Variants in SPOCK3 observed in about 807,000 individuals in gnomAD.
SPOCK3 encodes the protein testican-3.
Under a neutral mutation model 56.6 loss-of-function variants are expected in SPOCK3, and 30 were observed. The ratio of observed to expected loss-of-function variants is 0.53; its 90% confidence interval spans 0.40 to 0.72. SPOCK3 has a LOEUF of 0.72. Ranked by LOEUF, SPOCK3 falls within the 30% of genes least tolerant of loss-of-function variation. The pLI is 0.00. For missense variants in SPOCK3, 527 were observed against 530.0 expected, an observed-to-expected ratio of 0.99 and a Z score of 0.06; for synonymous variants, 196 against 183.3, an observed-to-expected ratio of 1.07 and a Z score of -0.56.
At chr4:166,919,992 G>T (rs1738311752) in intron 4 of SPOCK3, among the ~76,000 whole-genome samples, 1 of 152,022 alleles carries the variant, frequency 6.6e-6, no homozygotes, top group Non-Finnish European at 1.5e-5. Flanking sequence ...ATATTACATT[G>T]TTTATCATTT....
At position 166,832,400 on chromosome 4, in the gene SPOCK3, C is replaced by CA. The variant is rs56753414; in HGVS notation, c.590-40112dup. Among the ~76,000 whole-genome samples the CA allele has an allele frequency of 6.1e-3, 910 of 149,440 alleles. 7 individuals carry two copies. The highest frequency in any genetic ancestry group is 0.02 in the African/African-American group (811 of 40,622). ...ATCAGAATGGCTATTATTAAAAAAT[C>CA]AAAAAAAAAACAACAGATGATGGTG... On this transcript the variant is annotated intron_variant, in intron 6 of 10. Coordinates refer to ENST00000357545, the MANE Select transcript of SPOCK3 (RefSeq NM_001040159.2).
chr4:166,933,328 T>C (rs1379825539), intron 4 of SPOCK3, among the ~76,000 whole-genome samples: 1 of 152,214 alleles, frequency 6.6e-6, no homozygotes, highest in Non-Finnish European at 1.5e-5. Context: ...AAAGAAGGCC[T>C]TCACCTTACT....
intron 6 of SPOCK3, among the ~76,000 whole-genome samples, chr4:166,827,637 C>A (rs1215498789): frequency 6.6e-6 from 1 of 152,034 alleles, no homozygotes; most frequent in Non-Finnish European, 1.5e-5. Flanking sequence ...ATAACAGCAT[C>A]ATTTTAAGTG....
intron 6 of SPOCK3, among the ~76,000 whole-genome samples, chr4:166,847,710 T>G (rs1748254437): frequency 7.4e-6 from 1 of 135,628 alleles, no homozygotes. Context: ...TTTTACAGCT[T>G]GCAATGACAA....
intron 2 of SPOCK3, among the ~76,000 whole-genome samples, chr4:167,233,648 A>G (rs917737493): frequency 6.6e-6 from 1 of 152,222 alleles, no homozygotes; most frequent in African/African-American, 2.4e-5. Flanking sequence ...TGCTGTGTTT[A>G]CCAGTGCCAG....
intron 7 of SPOCK3, among the ~76,000 whole-genome samples, chr4:166,769,247 G>T (rs950795449): frequency 2.6e-5 from 4 of 152,184 alleles, no homozygotes; most frequent in Non-Finnish European, 5.9e-5. Context: ...CGTTCCTTTG[G>T]AGGGGGAGAG....
chr4:166,914,872 C>T (rs1316404848), intron 4 of SPOCK3, among the ~76,000 whole-genome samples: 2 of 152,040 alleles, frequency 1.3e-5, no homozygotes, highest in East Asian at 3.9e-4. Context: ...TGAAGTAAAA[C>T]AAGATTAGTT....
chr4:166,847,682 A>ATATAT (rs1560926835), intron 6 of SPOCK3, among the ~76,000 whole-genome samples: 302 of 27,208 alleles, frequency 0.011, 8 homozygotes, highest in African/African-American at 0.023. Flanking sequence ...TATATATATA[A>ATATAT]GAATCATGTT....
At chr4:166,885,223 A>C (rs1424744125) in intron 6 of SPOCK3, among the ~76,000 whole-genome samples, 1 of 150,034 alleles carries the variant, frequency 6.7e-6, no homozygotes, top group East Asian at 1.9e-4. Context: ...TTTTCCTGTT[A>C]TTTCTTCATC....
At chr4:166,948,397 T>C (rs924798612) in intron 4 of SPOCK3, among the ~76,000 whole-genome samples, 1 of 152,208 alleles carries the variant, frequency 6.6e-6, no homozygotes, top group Non-Finnish European at 1.5e-5. Context: ...TGCTGGATCA[T>C]ATGGTAATTC....
intron 3 of SPOCK3, among the ~76,000 whole-genome samples, chr4:167,015,093 A>G (rs1484759545): frequency 6.6e-6 from 1 of 152,064 alleles, no homozygotes; most frequent in Non-Finnish European, 1.5e-5. Flanking sequence ...TAGATAGTAT[A>G]ATTCAGTTCT....
At chr4:167,098,890 T>G (rs1759394902) in intron 2 of SPOCK3, among the ~76,000 whole-genome samples, 1 of 151,998 alleles carries the variant, frequency 6.6e-6, no homozygotes, top group Non-Finnish European at 1.5e-5. Flanking sequence ...TTTTTCAAAA[T>G]GCCTGTAACA....
chr4:166,831,426 G>A (rs1393343884), intron 6 of SPOCK3, among the ~76,000 whole-genome samples: 2 of 151,814 alleles, frequency 1.3e-5, no homozygotes, highest in Non-Finnish European at 2.9e-5. Context: ...TTTCTTTGTG[G>A]GACAGTTTTT....
rs559057368 is a variant in SPOCK3 at position 167,090,828 on chromosome 4, T to G, written c.190-28291A>C. On this transcript the variant is annotated intron_variant, in intron 2 of 10. Coordinates refer to ENST00000357545, the MANE Select transcript of SPOCK3 (RefSeq NM_001040159.2). ...GACATGAATATTTTGAAAACTATTT[T>G]ACTAACCTGTTTTTTTTTTCCAAGT... Among the ~76,000 whole-genome samples the G allele has an allele frequency of 2.2e-4, 33 of 152,218 alleles. 1 individual carries two copies. In the South Asian group the frequency reaches 6.0e-3, roughly 28 times the overall value.
chr4:166,780,442 A>G (rs1460498568), intron 7 of SPOCK3, among the ~76,000 whole-genome samples: 2 of 152,268 alleles, frequency 1.3e-5, no homozygotes, highest in Middle Eastern at 3.4e-3. Flanking sequence ...TAAGGGACCC[A>G]AGAAACCACC....
intron 2 of SPOCK3, among the ~76,000 whole-genome samples, chr4:167,150,182 G>A (rs891301753): frequency 6.6e-6 from 1 of 152,048 alleles, no homozygotes; most frequent in East Asian, 1.9e-4. Context: ...AGCATTTAGA[G>A]CCCTGAAATG....
intron 6 of SPOCK3, among the ~76,000 whole-genome samples, chr4:166,803,632 G>C (rs1742852661): frequency 6.6e-6 from 1 of 152,142 alleles, no homozygotes; most frequent in African/African-American, 2.4e-5. Flanking sequence ...ACGAATATTA[G>C]CTTGTGCCAA....
chr4:167,182,983 T>G (rs2110773695), intron 2 of SPOCK3, among the ~76,000 whole-genome samples: 1 of 152,308 alleles, frequency 6.6e-6, no homozygotes, highest in Non-Finnish European at 1.5e-5. Context: ...TGATTTGCTT[T>G]GAAGGCAGAA....
chr4:167,209,854 T>TG (rs1361771377), intron 2 of SPOCK3, among the ~76,000 whole-genome samples: 1 of 152,146 alleles, frequency 6.6e-6, no homozygotes, highest in East Asian at 1.9e-4. Context: ...GTAGACATCA[T>TG]GGGAAAAAAA....
Sources: allele counts gnomAD v4.1 joint callset (sites outside exome capture counted in the v4.1 genomes callset), GRCh38; gene constraint gnomAD v4.1.1; transcripts MANE v1.5; gene names NCBI Gene and HGNC (gene_info 2026-07-23, HGNC 2026-07-21).